Variants in EIF3L observed in about 807,000 individuals in gnomAD.
EIF3L encodes eIEF associated protein HSPC021.
A neutral mutation model predicts 74.6 loss-of-function variants in EIF3L; 32 were observed. The observed-to-expected ratio is 0.43, with a 90% confidence interval of 0.32 to 0.58. The LOEUF (loss-of-function observed/expected upper bound fraction) is 0.58, where lower values mean the gene tolerates loss of function less well. Ranked by LOEUF, EIF3L falls within the 20% of genes least tolerant of loss-of-function variation. The pLI is 0.06. For synonymous variants in EIF3L, 256 were observed against 254.4 expected, an observed-to-expected ratio of 1.01 and a Z score of -0.06; for missense variants, 474 against 707.8, an observed-to-expected ratio of 0.67 and a Z score of 3.75.
Position 37,870,023 on chromosome 22 carries a change from CAG to C in EIF3L, c.580-152_580-151del, listed in dbSNP as rs771079179. On this transcript the variant is annotated intron_variant, in intron 7 of 12. Transcript: ENST00000652021. Reference sequence around the variant, plus strand: ...GTTTAGTCAAGATGGCTTTGAAAAACAGTGTACGGAATGGTTTAGAATGAGAA... The same window carrying C: ...GTTTAGTCAAGATGGCTTTGAAAAACTGTACGGAATGGTTTAGAATGAGAA... The C allele has an allele frequency of 3.0e-4, 162 of 540,642 alleles. 1 individual carries two copies. The highest frequency in any genetic ancestry group is 2.8e-4 in the Non-Finnish European group (87 of 315,474). 33.5% of individuals were successfully genotyped at this position (540,642 alleles called of 1,614,324 possible). A position where few individuals can be genotyped will look rare whatever the true frequency, so the allele number is the denominator to read the frequency against.
intron 7 of EIF3L, among the ~76,000 whole-genome samples, chr22:37,869,876 G>T (rs1009156680): frequency 2.0e-5 from 3 of 152,152 alleles, no homozygotes; most frequent in African/African-American, 4.8e-5. Flanking sequence ...CCCAGAGACA[G>T]GAAGTGACTT....
intron 4 of EIF3L, 62 bp from the exon 5 acceptor site, chr22:37,858,617 T>C: frequency 6.7e-7 from 1 of 1,485,292 alleles, no homozygotes; most frequent in Non-Finnish European, 9.3e-7. Flanking sequence ...ACCAAAGAGC[T>C]AAAGCTGCCA....
intron 4 of EIF3L, among the ~76,000 whole-genome samples, chr22:37,856,485 C>T (rs2145801872): frequency 6.6e-6 from 1 of 152,308 alleles, no homozygotes; most frequent in Middle Eastern, 3.4e-3. Flanking sequence ...GCTGAGATTA[C>T]AGGCATGCAC....
intron 8 of EIF3L, among the ~76,000 whole-genome samples, chr22:37,873,905 G>A (rs925310106): frequency 2.0e-5 from 3 of 152,170 alleles, no homozygotes; most frequent in Non-Finnish European, 4.4e-5. Context: ...AAGAAGCAAT[G>A]CAGTGACTAC....
rs565593818 is a variant in EIF3L at position 37,856,067 on chromosome 22, A to T, written c.373+423A>T. Among the ~76,000 whole-genome samples the T allele has an allele frequency of 5.1e-4, 77 of 150,678 alleles. 1 individual carries two copies. The highest frequency in any genetic ancestry group is 3.9e-3 in the East Asian group (20 of 5,124). ...TTATTTATTTTATTTTATTATTATT[A>T]TTTTTTTTGAGATGGAGTCTCGTTC... On this transcript the variant is annotated intron_variant, in intron 4 of 12. Coordinates refer to ENST00000652021, the MANE Select transcript of EIF3L (RefSeq NM_016091.4).
intron 11 of EIF3L, chr22:37,884,957 G>C (rs1018578201): frequency 3.8e-5 from 4 of 103,912 alleles, no homozygotes; most frequent in African/African-American, 1.5e-4. Context: ...TCCTCCAGTT[G>C]TCCAGGCTGG....
chr22:37,849,845 T>C, intron 1 of EIF3L, 170 bp from the exon 2 acceptor site: 1 of 702,210 alleles, frequency 1.4e-6, no homozygotes, highest in Admixed American at 2.5e-5. Context: ...TGTATTGTCA[T>C]TGTCTGTTTA....
chr22:37,879,051 C>G (rs1324987752), intron 11 of EIF3L: 2 of 149,078 alleles, frequency 1.3e-5, no homozygotes, highest in African/African-American at 2.5e-5. Flanking sequence ...TCAAGCAATT[C>G]TCCTGCCTCA....
At chr22:37,867,474 C>G (rs1440232581) in intron 7 of EIF3L, among the ~76,000 whole-genome samples, 1 of 151,964 alleles carries the variant, frequency 6.6e-6, no homozygotes, top group African/African-American at 2.4e-5. Flanking sequence ...GCCTGGCCAA[C>G]ATGGTGAAAC....
At position 37,874,372 on chromosome 22, in the gene EIF3L, G is replaced by T; in HGVS notation, c.754G>T (p.Asp252Tyr). The T allele has an allele frequency of 6.2e-7, 1 of 1,613,548 alleles. No homozygotes were observed. The highest frequency in any genetic ancestry group is 8.5e-7 in the Non-Finnish European group (1 of 1,179,714). Reference sequence around the variant, plus strand: ...TTCACGGTGTCTGTCTCTTTCAGGTGACCCTGAGAGTGTGGCTGGGGAGTA... The same window carrying T: ...TTCACGGTGTCTGTCTCTTTCAGGTTACCCTGAGAGTGTGGCTGGGGAGTA... ...RQLEVYTSGG[D>Y]PESVAGEYGR... is the part of the protein sequence containing the mutation. Residue 252 changes from aspartate to tyrosine, a missense_variant and splice_region_variant, in exon 9 of 13, where the codon GAC (aspartate) becomes TAC (tyrosine). By Grantham distance (160) the Asp-to-Tyr change is radical. This residue lies in a region of EIF3L where 293 missense variants were observed against 469.1 expected (regional missense o/e 0.62). Transcript: ENST00000652021.
Position 37,863,283 on chromosome 22 carries a change from C to T in EIF3L, c.517C>T (p.Pro173Ser), listed in dbSNP as rs1391673078. Residue 173 changes from proline to serine, a missense_variant, in exon 7 of 13, where the codon CCT becomes TCT. Physicochemically the swap from Pro to Ser is moderately conservative, Grantham distance 74 (BLOSUM62 -1). Transcript: ENST00000652021. ...LFNYILNADGPAPLELPNQWL... is the reference protein window; with the variant it reads ...LFNYILNADGSAPLELPNQWL... ...GATCTCCTGCACAGATGCCGATGGTCCTGCTCCCCTTGAACTACCCAACCA... is the reference window on the plus strand; with the variant it reads ...GATCTCCTGCACAGATGCCGATGGTTCTGCTCCCCTTGAACTACCCAACCA... The T allele has an allele frequency of 2.5e-6, 4 of 1,613,746 alleles. No homozygotes were observed. The highest frequency in any genetic ancestry group is 3.4e-6 in the Non-Finnish European group (4 of 1,179,886).
At chr22:37,856,610 C>T (rs540653247) in intron 4 of EIF3L, among the ~76,000 whole-genome samples, 2 of 151,544 alleles carry the variant, frequency 1.3e-5, no homozygotes, top group South Asian at 2.1e-4. Context: ...TTTGGGAGGC[C>T]GAGGCGGGTG....
rs1193648528 is a variant in EIF3L at position 37,886,947 on chromosome 22, G to A, written c.1656+102G>A. 39 of 911,760 alleles carry A rather than the reference G, an allele frequency of 4.3e-5. No homozygotes were observed. In the East Asian group the frequency reaches 1.3e-3, roughly 30 times the overall value. 56.5% of individuals were successfully genotyped at this position (911,760 alleles called of 1,614,324 possible). On this transcript the variant is annotated intron_variant, in intron 12 of 12. Coordinates refer to ENST00000652021, the MANE Select transcript of EIF3L (RefSeq NM_016091.4). ...TAATTTTTATTCCTTTATTTATTTTGAGATGGAGTCTTGTGCTGTCACCCA... is the reference window on the plus strand; with the variant it reads ...TAATTTTTATTCCTTTATTTATTTTAAGATGGAGTCTTGTGCTGTCACCCA...
At chr22:37,861,683 C>CA (rs3885503) in intron 5 of EIF3L, among the ~76,000 whole-genome samples, 11,864 of 127,522 alleles carry the variant, frequency 0.093, 594 homozygotes, top group African/African-American at 0.15. Context: ...GACTCCGTCT[C>CA]AAAAAAAAAA....
chr22:37,860,553 A>G (rs1033002338), intron 5 of EIF3L, among the ~76,000 whole-genome samples: 25 of 152,180 alleles, frequency 1.6e-4, no homozygotes, highest in Admixed American at 1.2e-3. Flanking sequence ...TTGTATTTTT[A>G]GTAGAGACAG....
At chr22:37,873,303 G>GT (rs373464512) in intron 8 of EIF3L, among the ~76,000 whole-genome samples, 44,235 of 129,720 alleles carry the variant, frequency 0.34, 7,962 homozygotes, top group Admixed American at 0.45. Flanking sequence ...AGTTTTTTTT[G>GT]TTTTTTTTTT....
intron 1 of EIF3L, 83 bp from the exon 2 acceptor site, chr22:37,849,932 T>C: frequency 6.7e-7 from 1 of 1,486,552 alleles, no homozygotes; most frequent in Admixed American, 1.7e-5. Flanking sequence ...TCCTTAGCTC[T>C]CTGCTTGGCA....
chr22:37,866,022 G>A (rs1487799912), intron 7 of EIF3L, among the ~76,000 whole-genome samples: 4 of 152,104 alleles, frequency 2.6e-5, no homozygotes, highest in Admixed American at 6.6e-5. Flanking sequence ...GCTCTTCCTC[G>A]CCACCCTGTT....
intron 5 of EIF3L, among the ~76,000 whole-genome samples, chr22:37,859,978 C>T (rs56761818): frequency 6.6e-6 from 1 of 152,232 alleles, no homozygotes; most frequent in East Asian, 2.0e-4. Context: ...TACCACTGCA[C>T]TCCAGCCTGG....
Sources: allele counts gnomAD v4.1 joint callset (sites outside exome capture counted in the v4.1 genomes callset), GRCh38; gene constraint gnomAD v4.1.1; regional missense constraint gnomAD v4.1.1; transcripts MANE v1.5; gene names NCBI Gene and HGNC (gene_info 2026-07-23, HGNC 2026-07-21).